Variants in PXT1 observed in about 807,000 individuals in gnomAD.
PXT1 encodes peroxisomal testis enriched protein 1.
Under a neutral mutation model 11.0 loss-of-function variants are expected in PXT1, and 11 were observed. The observed-to-expected ratio is 1.00, with a 90% CI of 0.63 to 1.66. The LOEUF (loss-of-function observed/expected upper bound fraction) is 1.66, where lower values mean the gene tolerates loss of function less well. Ranked by LOEUF, PXT1 falls within the 40% of genes most tolerant of loss-of-function variation. PXT1 has a pLI of 0.00. For synonymous variants in PXT1, 43 were observed against 51.4 expected, an observed-to-expected ratio of 0.84 and a Z score of 0.70; for missense variants, 141 against 155.5, an observed-to-expected ratio of 0.91 and a Z score of 0.49.
rs1263853656 is a variant in PXT1, at chr6:36,438,774, A to G, written c.-17T>C. 1 of 152,170 alleles carries G rather than the reference A, an allele frequency of 6.6e-6. No individual in the cohort carries two copies. The highest frequency in any genetic ancestry group is 2.4e-5 in the African/African-American group (1 of 41,426). The allele number at this position is 152,170 out of a possible 1,614,324, so 9.4% of individuals were successfully genotyped here. On this transcript the variant is annotated 5_prime_UTR_variant, in exon 2 of 5. Coordinates refer to ENST00000454782, the MANE Select transcript of PXT1 (RefSeq NM_152990.4). ...CAGTAAGTTCAGACTTACTTTTCCA[A>G]GTATGTTGAGCCCTCTTTATTTTCT...
chr6:36,393,289 C>G (rs1040031522), intron 4 of PXT1: 1 of 152,994 alleles, frequency 6.5e-6, no homozygotes, highest in Non-Finnish European at 1.5e-5. Context: ...TTATGACCTT[C>G]TCCCTCACTC....
chr6:36,405,641 T>C (rs1291088702), intron 3 of PXT1, among the ~76,000 whole-genome samples: 1 of 152,172 alleles, frequency 6.6e-6, no homozygotes, highest in Non-Finnish European at 1.5e-5. Flanking sequence ...CTAAGTATAG[T>C]GTTTATAAAA....
chr6:36,431,935 G>A (rs901823358), intron 2 of PXT1, among the ~76,000 whole-genome samples: 13 of 152,092 alleles, frequency 8.5e-5, no homozygotes, highest in Non-Finnish European at 1.5e-4. Flanking sequence ...GCCGGGCATG[G>A]TGGTGGGCAT....
At chr6:36,424,474 T>C (rs1174434775) in intron 3 of PXT1, among the ~76,000 whole-genome samples, 1 of 151,474 alleles carries the variant, frequency 6.6e-6, no homozygotes, top group Middle Eastern at 3.2e-3. Flanking sequence ...ACCCCGTCTC[T>C]ACTAAAAATA....
In PXT1 at chr6:36,429,508, C is replaced by CTT. The variant is rs112777415; in HGVS notation, c.-9-3419_-9-3418dup. Among the ~76,000 whole-genome samples the CTT allele has an allele frequency of 7.1e-3, 773 of 108,172 alleles. 28 individuals are homozygous for CTT. The highest frequency in any genetic ancestry group is 0.025 in the African/African-American group (669 of 26,452). 71.0% of individuals were successfully genotyped at this position (108,172 alleles called of 152,430 possible). On this transcript the variant is annotated intron_variant, in intron 2 of 4. Coordinates refer to ENST00000454782, the MANE Select transcript of PXT1 (RefSeq NM_152990.4). ...CTTTTCTTTTTTCTTTTTTTCTTTT[C>CTT]TTTTTTTTTTTTTTGAGATGGAGTT...
intron 3 of PXT1, among the ~76,000 whole-genome samples, chr6:36,402,806 A>G (rs1016014737): frequency 9.2e-5 from 14 of 152,360 alleles, no homozygotes; most frequent in African/African-American, 2.9e-4. Flanking sequence ...AACTTTATCC[A>G]GTAGAGATAA....
intron 1 of PXT1, among the ~76,000 whole-genome samples, chr6:36,441,961 G>C (rs963747080): frequency 6.6e-6 from 1 of 151,986 alleles, no homozygotes; most frequent in Non-Finnish European, 1.5e-5. Flanking sequence ...GTAAGGAAAA[G>C]GAGAATCGAC....
intron 4 of PXT1, among the ~76,000 whole-genome samples, chr6:36,397,792 G>A (rs902956138): frequency 1.3e-5 from 2 of 152,070 alleles, no homozygotes; most frequent in Non-Finnish European, 2.9e-5. Context: ...AGGAGCCCAG[G>A]AATCCAGGAC....
chr6:36,431,162 T>C (rs1337337745), intron 2 of PXT1, among the ~76,000 whole-genome samples: 1 of 152,132 alleles, frequency 6.6e-6, no homozygotes, highest in East Asian at 1.9e-4. Flanking sequence ...AATTTGGAAA[T>C]GTAATTATGG....
chr6:36,413,905 A>G (rs1774410972), intron 3 of PXT1, among the ~76,000 whole-genome samples: 1 of 152,196 alleles, frequency 6.6e-6, no homozygotes, highest in Non-Finnish European at 1.5e-5. Context: ...AGGCTGAGGC[A>G]GAAGGACAGG....
intron 2 of PXT1, among the ~76,000 whole-genome samples, chr6:36,429,693 T>A (rs1273673205): frequency 6.6e-6 from 1 of 150,782 alleles, no homozygotes; most frequent in East Asian, 2.0e-4. Flanking sequence ...TTAGTAGAGA[T>A]AGGGTTTCAC....
chr6:36,424,259 TA>T (rs576236705), intron 3 of PXT1, among the ~76,000 whole-genome samples: 1 of 152,198 alleles, frequency 6.6e-6, no homozygotes, highest in Admixed American at 6.5e-5. Context: ...TTACGTCTCT[TA>T]AAAAAAATTA....
intron 1 of PXT1, among the ~76,000 whole-genome samples, chr6:36,439,705 G>A (rs547272830): frequency 6.6e-6 from 1 of 150,712 alleles, no homozygotes; most frequent in Non-Finnish European, 1.5e-5. Context: ...TGAGACTTGT[G>A]TGTTCATAAA....
chr6:36,423,536 G>C (rs1011596135), intron 3 of PXT1, among the ~76,000 whole-genome samples: 3 of 152,242 alleles, frequency 2.0e-5, no homozygotes, highest in African/African-American at 7.2e-5. Flanking sequence ...TGGCGGGAGC[G>C]GGAGTTAGGG....
At chr6:36,397,943 G>A (rs1774165397) in intron 4 of PXT1, among the ~76,000 whole-genome samples, 1 of 151,904 alleles carries the variant, frequency 6.6e-6, no homozygotes, top group South Asian at 2.1e-4. Flanking sequence ...TTGAACCCAG[G>A]AGTTCAAGGC....
At chr6:36,437,770 C>A (rs1449221188) in intron 2 of PXT1, among the ~76,000 whole-genome samples, 1 of 149,170 alleles carries the variant, frequency 6.7e-6, no homozygotes, top group Non-Finnish European at 1.5e-5. Flanking sequence ...CCCTCCTCAG[C>A]CTCCCAATGT....
At chr6:36,412,108 T>G (rs1276396077) in intron 3 of PXT1, among the ~76,000 whole-genome samples, 1 of 151,118 alleles carries the variant, frequency 6.6e-6, no homozygotes, top group East Asian at 2.0e-4. Flanking sequence ...TCCCAGCACT[T>G]TGGGAGGCCA....
rs1221815387 is a variant in PXT1 at position 36,426,192 on chromosome 6, T to C, written c.-9-101A>G. 1.5e-5 allele frequency: 11 copies of C among 745,660 alleles called. No individual in the cohort carries two copies. In the South Asian group the frequency reaches 1.8e-4, roughly 12 times the overall value. The allele number at this position is 745,660 out of a possible 1,614,324, so 46.2% of individuals were successfully genotyped here. On this transcript the variant is annotated intron_variant, in intron 2 of 4. Coordinates refer to ENST00000454782, the MANE Select transcript of PXT1 (RefSeq NM_152990.4). ...TTTTAACAATATCAGCAGCATTTAT[T>C]CCACATATAAGAGAGTTATGGATTG...
In PXT1 at chr6:36,419,566, G is replaced by A. The variant is rs536902860; in HGVS notation, c.169+6348C>T. On this transcript the variant is annotated intron_variant, in intron 3 of 4. Transcript: ENST00000454782. ...TAATGATTATTTATATTTTGTGCCT[G>A]TCTAAACAACTAAATGGTGAAATCC... Among the ~76,000 whole-genome samples the A allele has an allele frequency of 9.2e-5, 14 of 152,266 alleles. No individual in the cohort carries two copies. The East Asian group carries it at 2.5e-3, about 27-fold the overall frequency.
Sources: allele counts gnomAD v4.1 joint callset (sites outside exome capture counted in the v4.1 genomes callset), GRCh38; gene constraint gnomAD v4.1.1; transcripts MANE v1.5; gene names NCBI Gene and HGNC (gene_info 2026-07-23, HGNC 2026-07-21).